The following TOPBP1 variants were observed in gnomAD, a reference collection of about 807,000 sequenced individuals.
TOPBP1 encodes DNA topoisomerase 2-binding protein 1.
Under a neutral mutation model 167.7 loss-of-function variants are expected in TOPBP1, and 28 were observed. That is an observed-to-expected ratio of 0.17 (90% CI 0.12 to 0.23). The LOEUF (loss-of-function observed/expected upper bound fraction) is 0.23, where lower values mean the gene tolerates loss of function less well. Ranked by LOEUF, TOPBP1 falls within the 10% of genes least tolerant of loss-of-function variation. The pLI, the probability that TOPBP1 is intolerant of heterozygous loss-of-function variation, is 1.00. For synonymous variants in TOPBP1, 598 were observed against 611.4 expected (o/e 0.98, Z 0.32); for missense variants, 1,554 against 1,809.6 (o/e 0.86, Z 2.56).
chr3:133,653,707 A>C lies in TOPBP1; in HGVS notation c.743-183T>G, dbSNP rs990435654. Among the ~76,000 whole-genome samples, 24 of 150,442 alleles carry C rather than the reference A, an allele frequency of 1.6e-4. 1 individual carries two copies. The highest frequency in any genetic ancestry group is 1.6e-3 in the Admixed American group (24 of 15,060). On this transcript the variant is annotated intron_variant, in intron 6 of 27. Transcript: ENST00000260810. Reference sequence around the variant, plus strand: ...CAGTGGTGAGATCTTGGCTCACTGCAACCTCCACCTCCCTCCTGATCAAGC... The same window carrying C: ...CAGTGGTGAGATCTTGGCTCACTGCCACCTCCACCTCCCTCCTGATCAAGC...
At chr3:133,615,073 T>C (rs1193568998) in intron 23 of TOPBP1, among the ~76,000 whole-genome samples, 1 of 144,154 alleles carries the variant, frequency 6.9e-6, no homozygotes, top group African/African-American at 2.6e-5. Flanking sequence ...TTGACATAAA[T>C]CTTTTTTTTT....
intron 14 of TOPBP1, among the ~76,000 whole-genome samples, chr3:133,635,482 C>T (rs551331081): frequency 6.6e-6 from 1 of 152,172 alleles, no homozygotes; most frequent in Non-Finnish European, 1.5e-5. Flanking sequence ...TCCAGAACTC[C>T]TGGTCTCAAG....
intron 10 of TOPBP1, among the ~76,000 whole-genome samples, chr3:133,649,111 A>G (rs1278976483): frequency 6.6e-6 from 1 of 152,208 alleles, no homozygotes; most frequent in East Asian, 1.9e-4. Context: ...TAAAAGGCTC[A>G]TGATATTACA....
chr3:133,659,772 A>G (rs983708921), intron 2 of TOPBP1, among the ~76,000 whole-genome samples: 14 of 151,854 alleles, frequency 9.2e-5, no homozygotes, highest in Non-Finnish European at 1.9e-4. Flanking sequence ...TTATATATAT[A>G]TATATAGTTT....
rs186795952 is a variant in TOPBP1 at position 133,648,745 on chromosome 3, C to A, written c.1504+638G>T. On this transcript the variant is annotated intron_variant, in intron 10 of 27. Coordinates refer to ENST00000260810, the MANE Select transcript of TOPBP1 (RefSeq NM_007027.4). ...CCTGGGAGGCAGAGGTTGCAGTGAG[C>A]TGAGATCATGCCACTACACTCCAGC... Among the ~76,000 whole-genome samples the A allele has an allele frequency of 3.5e-3, 535 of 152,022 alleles. 1 individual carries two copies. Among genetic ancestry groups the A allele is most frequent in the African/African-American group, 0.012 (502 of 41,458 alleles).
chr3:133,639,922 G>A (rs1935835446), intron 13 of TOPBP1, 37 bp downstream of exon 13: 1 of 1,581,542 alleles, frequency 6.3e-7, no homozygotes, highest in Middle Eastern at 1.7e-4. Flanking sequence ...CCATCTAGTT[G>A]TAAATATATA....
rs961064723 is a variant in TOPBP1, at chr3:133,638,308, C to T, written c.2234-146G>A. On this transcript the variant is annotated intron_variant, in intron 13 of 27. Coordinates refer to ENST00000260810, the MANE Select transcript of TOPBP1 (RefSeq NM_007027.4). ...CAAGAGATCCATCTACCTCGGCATC[C>T]TAATCTGTTAGTTTTCATGTCAATT... 44 of 760,728 alleles carry T rather than the reference C, an allele frequency of 5.8e-5. No homozygotes were observed. In the Middle Eastern group the frequency reaches 7.2e-3, roughly 125 times the overall value. The allele number at this position is 760,728 out of a possible 1,614,324, so 47.1% of individuals were successfully genotyped here.
intron 19 of TOPBP1, among the ~76,000 whole-genome samples, chr3:133,622,185 GTTT>G (rs398052284): frequency 9.4e-6 from 1 of 106,446 alleles, no homozygotes; most frequent in East Asian, 2.7e-4. Context: ...CACCATTTAT[GTTT>G]TTTTTTTTTT....
chr3:133,624,772 A>T (rs1935211553), intron 16 of TOPBP1, among the ~76,000 whole-genome samples: 1 of 152,190 alleles, frequency 6.6e-6, no homozygotes, highest in Non-Finnish European at 1.5e-5. Flanking sequence ...TTTACACATC[A>T]TTATCTCATC....
intron 27 of TOPBP1, among the ~76,000 whole-genome samples, chr3:133,602,870 T>G (rs1576673076): frequency 6.6e-6 from 1 of 151,340 alleles, no homozygotes; most frequent in African/African-American, 2.4e-5. Flanking sequence ...CCAACTTGGA[T>G]GCAAGAGATC....
intron 3 of TOPBP1, among the ~76,000 whole-genome samples, chr3:133,658,445 C>T (rs1207419343): frequency 3.3e-5 from 5 of 150,716 alleles, no homozygotes; most frequent in African/African-American, 1.2e-4. Context: ...CCAGCCTGGG[C>T]GACAGAGTGA....
chr3:133,634,365 C>T lies in TOPBP1; in HGVS notation c.2520+3511G>A, dbSNP rs372832982. ...CTCTACTAAAAATACAAAAATTAGC[C>T]GGGCATGGTGGCGCATGCCTGTAAT... On this transcript the variant is annotated intron_variant, in intron 14 of 27. Coordinates refer to ENST00000260810, the MANE Select transcript of TOPBP1 (RefSeq NM_007027.4). 5.1e-4 allele frequency among the ~76,000 whole-genome samples: 77 copies of T among 152,062 alleles called. 1 individual carries two copies. The South Asian group carries it at 0.016, about 31-fold the overall frequency.
chr3:133,607,241 C>A (rs565786989), intron 27 of TOPBP1, among the ~76,000 whole-genome samples: 1 of 151,970 alleles, frequency 6.6e-6, no homozygotes, highest in Non-Finnish European at 1.5e-5. Flanking sequence ...GAAATGTTTA[C>A]GATTTTGTAC....
In TOPBP1 at chr3:133,620,328, C is replaced by G. The variant is rs1409769652; in HGVS notation, c.3198G>C (p.Glu1066Asp). 1.9e-6 allele frequency: 3 copies of G among 1,613,748 alleles called. No homozygotes were observed. The highest frequency in any genetic ancestry group is 2.5e-6 in the Non-Finnish European group (3 of 1,179,802). The change falls in exon 20 of 28, where the codon GAG becomes GAC. Residue 1066 changes from glutamate (E) to aspartate (D), a missense_variant. Glu to Asp is a conservative substitution (Grantham distance 45). This residue lies in a region of TOPBP1 where 1,197 missense variants were observed against 1,351.5 expected (regional missense o/e 0.89). Coordinates refer to ENST00000260810, the MANE Select transcript of TOPBP1 (RefSeq NM_007027.4). Reference protein sequence around the residue: ...DSKGVLTQTLEMRENFQKQLQ... With the variant: ...DSKGVLTQTLDMRENFQKQLQ... ...ACTGCTTCTGAAAGTTCTCTCTCAT[C>G]TCTAAGGTCTGTGTCAGAACTTGAA...
intron 27 of TOPBP1, among the ~76,000 whole-genome samples, chr3:133,602,222 A>C (rs955476878): frequency 2.2e-4 from 33 of 152,320 alleles, no homozygotes; most frequent in Admixed American, 9.8e-4. Flanking sequence ...TTCTCAACAG[A>C]AACAATGGAG....
At chr3:133,648,813 T>G (rs1436844864) in intron 10 of TOPBP1, among the ~76,000 whole-genome samples, 1 of 151,776 alleles carries the variant, frequency 6.6e-6, no homozygotes. Context: ...AAAAAAAAAG[T>G]TTTCTAAGGT....
chr3:133,651,538 G>C (rs900828604), intron 8 of TOPBP1, among the ~76,000 whole-genome samples: 5 of 152,116 alleles, frequency 3.3e-5, no homozygotes, highest in Non-Finnish European at 7.4e-5. Context: ...TTGCTACTCT[G>C]TGAAAATTAG....
At chr3:133,652,429 C>A in intron 8 of TOPBP1, 34 bp downstream of exon 8, 1 of 1,605,696 alleles carries the variant, frequency 6.2e-7, no homozygotes, top group South Asian at 1.1e-5. Context: ...TAATGTATAT[C>A]ATCTACTGCA....
rs935727060 is a variant in TOPBP1 at position 133,628,825 on chromosome 3, G to A, written c.2521-92C>T. ...ATAGGACAGGAAAAAGAAAGAGGAG[G>A]AGAGAGGGGTAAAGAGAGAGAAGGG... On this transcript the variant is annotated intron_variant, in intron 14 of 27. Coordinates refer to ENST00000260810, the MANE Select transcript of TOPBP1 (RefSeq NM_007027.4). The A allele has an allele frequency of 7.6e-6, 10 of 1,308,740 alleles. No individual in the cohort carries two copies. In the African/African-American group the frequency reaches 1.3e-4, roughly 18 times the overall value. The allele number at this position is 1,308,740 out of a possible 1,614,324, so 81.1% of individuals were successfully genotyped here.
Sources: gnomAD v4.1 joint callset for allele counts (sites outside exome capture counted in the v4.1 genomes callset) on GRCh38, gnomAD v4.1.1 for gene constraint, gnomAD v4.1.1 regional missense constraint, MANE v1.5 for transcripts, NCBI Gene and HGNC (gene_info 2026-07-23, HGNC 2026-07-21) for gene names.